TENM2: variants seen among roughly 807,000 people sequenced by gnomAD.
TENM2 encodes teneurin transmembrane protein 2.
TENM2 carries 52 observed loss-of-function variants against 245.2 expected under a neutral mutation model. The ratio of observed to expected loss-of-function variants is 0.21; its 90% CI spans 0.17 to 0.27. TENM2 has a LOEUF of 0.27. TENM2 is among the 10% of genes least tolerant of loss of function. The pLI is 1.00. For missense variants in TENM2, 3,046 were observed against 3,666.8 expected (o/e 0.83, Z 4.37); for synonymous variants, 1,363 against 1,438.9 (o/e 0.95, Z 1.19).
At chr5:167,977,950 C>T (rs1782562938) in intron 4 of TENM2, among the ~76,000 whole-genome samples, 1 of 152,114 alleles carries the variant, frequency 6.6e-6, no homozygotes, top group South Asian at 2.1e-4. Context: ...AACTTGGTGC[C>T]TTCCTCCCGG....
At chr5:167,424,720 T>C (rs1182340098) in intron 2 of TENM2, among the ~76,000 whole-genome samples, 2 of 152,174 alleles carry the variant, frequency 1.3e-5, no homozygotes, top group Non-Finnish European at 2.9e-5. Flanking sequence ...GTTTTGATTA[T>C]ATGAAATTGG....
At chr5:168,046,352 A>G (rs959255976) in intron 5 of TENM2, among the ~76,000 whole-genome samples, 1 of 152,210 alleles carries the variant, frequency 6.6e-6, no homozygotes, top group Non-Finnish European at 1.5e-5. Flanking sequence ...AACAGTGTCA[A>G]CCTGTGTCCA....
intron 1 of TENM2, among the ~76,000 whole-genome samples, chr5:167,334,827 C>T (rs983688969): frequency 9.2e-5 from 14 of 152,130 alleles, no homozygotes; most frequent in Admixed American, 8.5e-4. Context: ...GTCACTCAAG[C>T]CATATTTGTC....
intron 3 of TENM2, among the ~76,000 whole-genome samples, chr5:167,930,770 T>A (rs28686839): frequency 0.16 from 24,119 of 150,004 alleles, 2,669 homozygotes; most frequent in African/African-American, 0.32. Context: ...TTTTTTTTTT[T>A]TAAAAAAGCA....
At chr5:167,909,737 A>T (rs1254432995) in intron 3 of TENM2, among the ~76,000 whole-genome samples, 1 of 152,202 alleles carries the variant, frequency 6.6e-6, no homozygotes, top group African/African-American at 2.4e-5. Flanking sequence ...AGATGTTACC[A>T]TGCAAATCAA....
At chr5:167,023,173 T>A in the TENM2 span, among the ~76,000 whole-genome samples, 1 of 152,218 alleles carries the variant, frequency 6.6e-6, no homozygotes. Flanking sequence ...TCTGCTCTAC[T>A]GGGTCCAATC....
rs997950942 is a variant in TENM2 at position 167,462,191 on chromosome 5, C to G, written c.502+86718C>G. On this transcript the variant is annotated intron_variant, in intron 2 of 28. Transcript: ENST00000518659. ...AGTTCCCTGACCCCCACCCCCCCCCCCCATTGCAGGACATGCAACAGGGGT... is the reference window on the plus strand; with the variant it reads ...AGTTCCCTGACCCCCACCCCCCCCCGCCATTGCAGGACATGCAACAGGGGT... Among the ~76,000 whole-genome samples, 10 of 137,072 alleles carry G rather than the reference C, an allele frequency of 7.3e-5. 3 individuals are homozygous for G. The highest frequency in any genetic ancestry group is 4.5e-4 in the East Asian group (2 of 4,418). 89.9% of individuals were successfully genotyped at this position (137,072 alleles called of 152,430 possible).
At chr5:167,312,997 G>C (rs1251270888) in intron 1 of TENM2, among the ~76,000 whole-genome samples, 1 of 151,038 alleles carries the variant, frequency 6.6e-6, no homozygotes, top group South Asian at 2.1e-4. Context: ...CTGCTTCCTG[G>C]GTTCAAGCAA....
At chr5:168,179,127 T>A in intron 13 of TENM2, among the ~76,000 whole-genome samples, 2 of 114,698 alleles carry the variant, frequency 1.7e-5, no homozygotes, top group Middle Eastern at 9.2e-3. Context: ...AGAGTGAGAC[T>A]CTGCCTGAAA....
At chr5:168,047,362 TC>T in intron 5 of TENM2, 64 bp from the exon 8 acceptor site, 2 of 1,533,008 alleles carry the variant, frequency 1.3e-6, no homozygotes, top group Non-Finnish European at 1.8e-6. Flanking sequence ...CACCTGGCCC[TC>T]CCCCTTGACA....
intron 18 of TENM2, 125 bp from the exon 21 acceptor site, chr5:168,204,247 A>T (rs1029234224): frequency 2.9e-6 from 3 of 1,022,754 alleles, no homozygotes; most frequent in Non-Finnish European, 4.2e-6. Flanking sequence ...CATTGTGAAG[A>T]AGTTGGAGAG....
intron 2 of TENM2, among the ~76,000 whole-genome samples, chr5:167,858,896 A>G (rs1214034105): frequency 1.5e-5 from 2 of 131,466 alleles, no homozygotes; most frequent in African/African-American, 2.8e-5. Context: ...TTGGCCTCCC[A>G]AAGTGCCGAG....
chr5:167,993,698 A>G (rs1562026726), intron 5 of TENM2, among the ~76,000 whole-genome samples: 1 of 152,196 alleles, frequency 6.6e-6, no homozygotes, highest in Non-Finnish European at 1.5e-5. Context: ...GCATCCATCC[A>G]GGTCTTTATA....
At chr5:167,596,795 CAA>C (rs35609546) in intron 2 of TENM2, among the ~76,000 whole-genome samples, 167 of 131,722 alleles carry the variant, frequency 1.3e-3, no homozygotes, top group Non-Finnish European at 1.4e-3. Flanking sequence ...GATTCTGCCT[CAA>C]AAAAAAAAAA....
intron 2 of TENM2, among the ~76,000 whole-genome samples, chr5:167,503,415 G>A (rs1175242996): frequency 2.6e-5 from 4 of 151,794 alleles, no homozygotes; most frequent in Non-Finnish European, 5.9e-5. Flanking sequence ...GGAGAGTGCA[G>A]AGAAAAGAAG....
Position 167,490,521 on chromosome 5 carries a change from G to T in TENM2, c.502+115048G>T, listed in dbSNP as rs909894041. 2.0e-5 allele frequency among the ~76,000 whole-genome samples: 3 copies of T among 151,680 alleles called. No homozygotes were observed. The East Asian group carries it at 5.8e-4, about 29-fold the overall frequency. ...TATATTGCATTCCAGGATTTTTATT[G>T]TATAATGCATTTTTGATGAATTAAT... is the stretch of plus-strand genomic sequence containing the variant. On this transcript the variant is annotated intron_variant, in intron 2 of 28. Transcript: ENST00000518659.
chr5:167,223,509 A>G, the TENM2 span, among the ~76,000 whole-genome samples: 1 of 152,050 alleles, frequency 6.6e-6, no homozygotes, highest in African/African-American at 2.4e-5. Context: ...TGTTGCTGCA[A>G]ATGGCATGAT....
At chr5:168,225,923 C>G (rs945698081) in intron 23 of TENM2, among the ~76,000 whole-genome samples, 165 bp from the exon 26 acceptor site, 3 of 152,104 alleles carry the variant, frequency 2.0e-5, no homozygotes, top group Non-Finnish European at 4.4e-5. Context: ...AGCTGTTTCT[C>G]CGGGCATAAT....
intron 2 of TENM2, among the ~76,000 whole-genome samples, chr5:167,406,140 T>C (rs941431939): frequency 6.6e-6 from 1 of 152,130 alleles, no homozygotes; most frequent in African/African-American, 2.4e-5. Flanking sequence ...TAAATGCTTC[T>C]AAATGAGATG....
Sources: allele counts gnomAD v4.1 joint callset (sites outside exome capture counted in the v4.1 genomes callset), GRCh38; gene constraint gnomAD v4.1.1; transcripts MANE v1.5; gene names NCBI Gene and HGNC (gene_info 2026-07-23, HGNC 2026-07-21).